The following PEAK1 variants were observed in gnomAD, a reference collection of about 807,000 sequenced individuals.
PEAK1 encodes the protein pseudopodium enriched atypical kinase 1, also known as inactive tyrosine-protein kinase PEAK1.
In PEAK1, 54 loss-of-function variants were observed where a neutral mutation model predicts 124.7. The observed-to-expected ratio is 0.43, with a 90% confidence interval of 0.35 to 0.54. The LOEUF is 0.54. Among genes scored for constraint, PEAK1 ranks in the 20% least tolerant of loss-of-function variants. PEAK1 has a pLI of 0.01. For missense variants in PEAK1, 2,046 were observed against 2,134.5 expected (o/e 0.96, Z 0.82); for synonymous variants, 719 against 760.0 (o/e 0.95, Z 0.89).
chr15:77,133,027 G>C lies in PEAK1; in HGVS notation c.4055C>G (p.Pro1352Arg). The C allele has an allele frequency of 6.2e-7, 1 of 1,610,528 alleles. No individual in the cohort carries two copies. Among genetic ancestry groups the C allele is most frequent in the Non-Finnish European group, 8.5e-7 (1 of 1,176,930 alleles). ...TACCTTGACTGCATAGTTATTAAGT[G>C]GATCTTTTGCATATGAAGCAGTATA... Reference protein sequence around the residue: ...VYYTASYAKDPLNNYAVKICK... With the variant: ...VYYTASYAKDRLNNYAVKICK... The change falls in exon 9 of 10, where the codon CCA (proline) becomes CGA (arginine). Residue 1352 changes from proline to arginine, a missense_variant. Coordinates refer to ENST00000682557, the MANE Select transcript of PEAK1 (RefSeq NM_001385026.1). This position sits in a 1 kb window ranked among gnomAD's most constrained non-coding sequence, Gnocchi z 4.2.
Position 77,182,000 on chromosome 15 carries a change from T to C in PEAK1, c.-74A>G. The C allele has an allele frequency of 1.3e-6, 2 of 1,502,036 alleles. No homozygotes were observed. Among genetic ancestry groups the C allele is most frequent in the Admixed American group, 2.3e-5 (1 of 43,768 alleles). 93.0% of individuals were successfully genotyped at this position (1,502,036 alleles called of 1,614,324 possible). A position where few individuals can be genotyped will look rare whatever the true frequency, so the allele number is the denominator to read the frequency against. ...AAAACTTTCATCTGTTAGTTTTCAC[T>C]TCCCCTATGTGTTACAGCAGCTCTT... On this transcript the variant is annotated 5_prime_UTR_variant, in exon 7 of 10. Transcript: ENST00000682557.
chr15:77,110,455 T>C lies in PEAK1; in HGVS notation c.*3701A>G, dbSNP rs963468015. On this transcript the variant is annotated 3_prime_UTR_variant, in exon 10 of 10. Transcript: ENST00000682557. ...TTTTTAGTAGTTTTACTCCCAGAAA[T>C]GTCATTAATATTTCTAGAGCTTTAG... The C allele has an allele frequency of 1.3e-5, 2 of 152,186 alleles. No individual in the cohort carries two copies. The highest frequency in any genetic ancestry group is 4.8e-5 in the African/African-American group (2 of 41,440). 9.4% of individuals were successfully genotyped at this position (152,186 alleles called of 1,614,324 possible).
chr15:77,164,034 C>T (rs1018631682), intron 7 of PEAK1, among the ~76,000 whole-genome samples: 61 of 152,212 alleles, frequency 4.0e-4, no homozygotes, highest in Non-Finnish European at 1.3e-4. Context: ...TCAAATCTCA[C>T]ACCTTTGTAA....
intron 9 of PEAK1, among the ~76,000 whole-genome samples, chr15:77,117,687 T>G (rs576536321): frequency 2.0e-5 from 3 of 152,004 alleles, no homozygotes; most frequent in Non-Finnish European, 4.4e-5. Flanking sequence ...ACAAACAAGT[T>G]AACACCAGCA....
chr15:77,263,594 G>A (rs1447031686), intron 5 of PEAK1, among the ~76,000 whole-genome samples: 10 of 152,132 alleles, frequency 6.6e-5, no homozygotes, highest in Non-Finnish European at 1.5e-4. Flanking sequence ...AACAGGCTCT[G>A]AAATTGAGGC....
intron 1 of PEAK1, among the ~76,000 whole-genome samples, chr15:77,368,223 T>G (rs1445781512): frequency 1.3e-5 from 2 of 152,094 alleles, no homozygotes; most frequent in Non-Finnish European, 2.9e-5. Flanking sequence ...CTTAAAAAAT[T>G]AAAAGTTTTG....
At chr15:77,265,914 T>C (rs986592388) in intron 5 of PEAK1, among the ~76,000 whole-genome samples, 8 of 152,208 alleles carry the variant, frequency 5.3e-5, no homozygotes, top group African/African-American at 1.9e-4. Flanking sequence ...CACCATGGAA[T>C]ACTATGCAGC....
Position 77,213,853 on chromosome 15 carries a change from T to G in PEAK1, c.-114-31813A>C, listed in dbSNP as rs576874712. ...GATAATTTTTATTATTTGTATACAA[T>G]TGTATAACCAACATAACAATGAAGA... On this transcript the variant is annotated intron_variant, in intron 6 of 9. Transcript: ENST00000682557. Among the ~76,000 whole-genome samples, 27 of 152,306 alleles carry G rather than the reference T, an allele frequency of 1.8e-4. No individual in the cohort carries two copies. The East Asian group carries it at 4.8e-3, about 27-fold the overall frequency.
At chr15:77,346,577 T>G in intron 2 of PEAK1, 1 of 985,352 alleles carries the variant, frequency 1.0e-6, no homozygotes, top group Non-Finnish European at 1.2e-6. Flanking sequence ...CAGTCACATC[T>G]CAAGAGGTTT....
At chr15:77,346,404 T>A (rs1397562165) in intron 2 of PEAK1, 1 of 981,678 alleles carries the variant, frequency 1.0e-6, no homozygotes, top group Non-Finnish European at 1.2e-6. Flanking sequence ...GAGAAGGCAA[T>A]TTCATTTTGC....
chr15:77,336,384 A>C, intron 2 of PEAK1: 1 of 985,440 alleles, frequency 1.0e-6, no homozygotes, highest in Admixed American at 6.1e-5. Context: ...CTAGGAACCA[A>C]GGCAGCTTTT....
intron 2 of PEAK1, among the ~76,000 whole-genome samples, chr15:77,295,839 G>A (rs769095786): frequency 2.0e-5 from 3 of 152,190 alleles, no homozygotes; most frequent in African/African-American, 7.2e-5. Context: ...AGGGGAGAAA[G>A]AATGTTTCTC....
intron 1 of PEAK1, among the ~76,000 whole-genome samples, chr15:77,410,797 T>C (rs1397340936): frequency 1.3e-5 from 2 of 152,184 alleles, no homozygotes; most frequent in Non-Finnish European, 2.9e-5. Context: ...TTGTCGACTA[T>C]TCGGAGGTAG....
At chr15:77,415,957 A>G (rs2072850524) in intron 1 of PEAK1, among the ~76,000 whole-genome samples, 1 of 152,188 alleles carries the variant, frequency 6.6e-6, no homozygotes, top group Non-Finnish European at 1.5e-5. Context: ...ACTCCTTCAG[A>G]GTCCTTTGTT....
intron 6 of PEAK1, among the ~76,000 whole-genome samples, chr15:77,187,622 AAT>A (rs1358896207): frequency 1.3e-5 from 2 of 152,182 alleles, no homozygotes; most frequent in Non-Finnish European, 2.9e-5. Context: ...AGAATCTGTT[AAT>A]AATAAAGGAG....
rs200860058 is a variant in PEAK1 at position 77,180,074 on chromosome 15, C to T, written c.1853G>A (p.Arg618Gln). 9.0e-5 allele frequency: 145 copies of T among 1,613,958 alleles called. No individual in the cohort carries two copies. Among genetic ancestry groups the T allele is most frequent in the African/African-American group, 1.5e-4 (11 of 74,978 alleles). Residue 618 changes from arginine to glutamine, a missense_variant, in exon 7 of 10, where the codon CGG becomes CAG. Transcript: ENST00000682557. Reference sequence around the variant, plus strand: ...AACTTTGATAGCATTTTTGGAACTCCGAGCATAAGTTGGCTCGTCATGAAT... The same window carrying T: ...AACTTTGATAGCATTTTTGGAACTCTGAGCATAAGTTGGCTCGTCATGAAT... ...IIIHDEPTYA[R>Q]SSKNAIKVPI...
At chr15:77,361,096 A>G (rs1045646837) in intron 2 of PEAK1, among the ~76,000 whole-genome samples, 1 of 152,224 alleles carries the variant, frequency 6.6e-6, no homozygotes, top group Non-Finnish European at 1.5e-5. Flanking sequence ...GTAGAATGGG[A>G]GAAAATATTT....
chr15:77,245,556 G>A (rs746492190), intron 6 of PEAK1, among the ~76,000 whole-genome samples: 1 of 151,842 alleles, frequency 6.6e-6, no homozygotes, highest in African/African-American at 2.4e-5. Flanking sequence ...AAAATTAGCC[G>A]GGCGTGGTGG....
chr15:77,129,661 G>A (rs2052689768), intron 9 of PEAK1, among the ~76,000 whole-genome samples: 1 of 150,676 alleles, frequency 6.6e-6, no homozygotes, highest in Non-Finnish European at 1.5e-5. Flanking sequence ...GGCCAGGCTG[G>A]TCTCCATCTC....
Sources: allele counts gnomAD v4.1 joint callset (sites outside exome capture counted in the v4.1 genomes callset), GRCh38; gene constraint gnomAD v4.1.1; non-coding constraint Gnocchi (gnomAD v3.1); transcripts MANE v1.5; gene names NCBI Gene and HGNC (gene_info 2026-07-23, HGNC 2026-07-21).